The following PRR16 variants were observed in gnomAD, a reference collection of about 807,000 sequenced individuals.
PRR16 encodes proline rich 16.
In PRR16, 6 loss-of-function variants were observed where a neutral mutation model predicts 18.2. The ratio of observed to expected loss-of-function variants is 0.33; its 90% CI spans 0.18 to 0.65. The LOEUF (loss-of-function observed/expected upper bound fraction) is 0.65. Among genes scored for constraint, PRR16 ranks in the 30% least tolerant of loss-of-function variants. The probability of loss-of-function intolerance (pLI) is 0.74; values close to 1 mark genes in which losing one functional copy is unlikely to be tolerated. For synonymous variants in PRR16, 151 were observed against 147.8 expected (o/e 1.02, Z -0.16); for missense variants, 412 against 376.6 (o/e 1.09, Z -0.78).
the PRR16 span, among the ~76,000 whole-genome samples, chr5:120,703,484 T>TG: frequency 6.6e-6 from 1 of 152,222 alleles, no homozygotes; most frequent in Non-Finnish European, 1.5e-5. Flanking sequence ...AGTGCTATCC[T>TG]GTGCATTGAA....
intron 1 of PRR16, among the ~76,000 whole-genome samples, chr5:120,536,453 TTTGACACTATCTA>T (rs1376164308): frequency 1.3e-5 from 2 of 152,210 alleles, no homozygotes; most frequent in Admixed American, 6.5e-5. Flanking sequence ...CAGTTAAATA[TTTGACACTATCTA>T]GTTCAAAGAC....
intron 1 of PRR16, among the ~76,000 whole-genome samples, chr5:120,646,343 A>G (rs113475390): frequency 1.4e-4 from 21 of 152,042 alleles, no homozygotes; most frequent in African/African-American, 5.1e-4. Flanking sequence ...TTATTCATCA[A>G]TATGCCCCTC....
the PRR16 span, among the ~76,000 whole-genome samples, chr5:120,766,297 G>C: frequency 6.6e-6 from 1 of 151,916 alleles, no homozygotes. Context: ...CTATTCTAGA[G>C]TATGTAGTGG....
chr5:120,780,473 A>G, the PRR16 span, among the ~76,000 whole-genome samples: 7 of 152,252 alleles, frequency 4.6e-5, 1 homozygote, highest in Middle Eastern at 0.01. Context: ...TTTTCATGAT[A>G]ATATTTTCAA....
At chr5:120,677,532 C>T (rs1212535382) in intron 1 of PRR16, among the ~76,000 whole-genome samples, 1 of 152,180 alleles carries the variant, frequency 6.6e-6, no homozygotes, top group Non-Finnish European at 1.5e-5. Flanking sequence ...CAGTTCTTTG[C>T]TGATAATGCC....
intron 1 of PRR16, among the ~76,000 whole-genome samples, chr5:120,640,608 T>C (rs1031005594): frequency 6.6e-6 from 1 of 152,158 alleles, no homozygotes; most frequent in Admixed American, 6.6e-5. Context: ...GCTGGTTGCA[T>C]GTACTTGTCA....
chr5:120,503,419 C>T (rs1461904679), intron 1 of PRR16, among the ~76,000 whole-genome samples: 1 of 151,902 alleles, frequency 6.6e-6, no homozygotes. Flanking sequence ...GTGTGAATGC[C>T]CTAATAGAAA....
intron 1 of PRR16, among the ~76,000 whole-genome samples, chr5:120,486,594 G>T (rs1580631326): frequency 6.6e-6 from 1 of 151,888 alleles, no homozygotes; most frequent in Middle Eastern, 3.4e-3. Flanking sequence ...CATTCTGTAG[G>T]TTGCCTGTTC....
chr5:120,565,095 T>C (rs1343878397), intron 1 of PRR16, among the ~76,000 whole-genome samples: 4 of 152,168 alleles, frequency 2.6e-5, no homozygotes, highest in Non-Finnish European at 5.9e-5. Flanking sequence ...TTTTGTGTTC[T>C]TGCAGTGCAG....
In PRR16 at chr5:120,539,034, G is replaced by T. The variant is rs964716811; in HGVS notation, c.159+74389G>T. ...CGAGACCACTCCAAGGACAGAGAAG[G>T]TACTTGGGCTCCTGAGAAAACAGAA... On this transcript the variant is annotated intron_variant, in intron 1 of 1. Coordinates refer to ENST00000407149, the MANE Select transcript of PRR16 (RefSeq NM_001300783.2). 2.0e-5 allele frequency among the ~76,000 whole-genome samples: 3 copies of T among 152,094 alleles called. 1 individual carries two copies. The South Asian group carries it at 6.2e-4, about 32-fold the overall frequency.
At chr5:120,791,028 C>T in the PRR16 span, among the ~76,000 whole-genome samples, 2 of 152,066 alleles carry the variant, frequency 1.3e-5, no homozygotes, top group Admixed American at 1.3e-4. Context: ...CAGTGAAATG[C>T]ACACTAAGCA....
the PRR16 span, among the ~76,000 whole-genome samples, chr5:120,707,593 G>C: frequency 4.6e-5 from 7 of 152,112 alleles, no homozygotes; most frequent in Admixed American, 1.3e-4. Flanking sequence ...GTTATGTTCC[G>C]TATTTTTAAT....
At chr5:120,485,516 A>T (rs1176894195) in intron 1 of PRR16, among the ~76,000 whole-genome samples, 1 of 152,204 alleles carries the variant, frequency 6.6e-6, no homozygotes, top group Non-Finnish European at 1.5e-5. Flanking sequence ...CTTGCAATGT[A>T]TTTGCTGAAG....
chr5:120,631,401 G>A (rs528121466), intron 1 of PRR16, among the ~76,000 whole-genome samples: 2 of 152,154 alleles, frequency 1.3e-5, no homozygotes, highest in Non-Finnish European at 2.9e-5. Flanking sequence ...ACTGTGAATC[G>A]GCTTGCTTTC....
At chr5:120,722,185 T>C in the PRR16 span, among the ~76,000 whole-genome samples, 37 of 152,192 alleles carry the variant, frequency 2.4e-4, no homozygotes, top group African/African-American at 8.4e-4. Context: ...TCCATGTCCC[T>C]GCAAAGGATA....
intron 1 of PRR16, among the ~76,000 whole-genome samples, chr5:120,677,777 T>TA (rs978000042): frequency 3.9e-5 from 6 of 152,072 alleles, no homozygotes; most frequent in Admixed American, 2.6e-4. Flanking sequence ...TATATTTTTT[T>TA]ATTAAAAAAG....
intron 1 of PRR16, among the ~76,000 whole-genome samples, chr5:120,606,068 T>A (rs956547957): frequency 2.0e-5 from 3 of 152,162 alleles, no homozygotes; most frequent in Admixed American, 1.3e-4. Context: ...TTTGTGTTGG[T>A]GTGGCAGTGG....
At chr5:120,724,420 C>A in the PRR16 span, among the ~76,000 whole-genome samples, 1 of 152,028 alleles carries the variant, frequency 6.6e-6, no homozygotes, top group Non-Finnish European at 1.5e-5. Flanking sequence ...AGGATTGCAT[C>A]TATTCCTAAG....
intron 1 of PRR16, among the ~76,000 whole-genome samples, chr5:120,555,963 G>A (rs759126474): frequency 6.6e-6 from 1 of 151,710 alleles, no homozygotes; most frequent in Non-Finnish European, 1.5e-5. Context: ...TCCATGGACA[G>A]AAGTTGTATG....
Sources: allele counts gnomAD v4.1 joint callset (sites outside exome capture counted in the v4.1 genomes callset), GRCh38; gene constraint gnomAD v4.1.1; transcripts MANE v1.5; gene names NCBI Gene and HGNC (gene_info 2026-07-23, HGNC 2026-07-21).